A2M: variants seen among roughly 807,000 people sequenced by gnomAD.
The protein encoded by A2M is alpha-2-macroglobulin, also known as C3 and PZP-like alpha-2-macroglobulin domain-containing protein 5.
Under a neutral mutation model 183.9 loss-of-function variants are expected in A2M, and 128 were observed. The observed-to-expected ratio is 0.70, with a 90% CI of 0.60 to 0.81. The LOEUF (loss-of-function observed/expected upper bound fraction) is 0.81. Among genes scored for constraint, A2M ranks in the 30% least tolerant of loss-of-function variants. The pLI is 0.00. For missense variants in A2M, 1,495 were observed against 1,787.6 expected, an observed-to-expected ratio of 0.84 and a Z score of 2.95; for synonymous variants, 592 against 670.8, an observed-to-expected ratio of 0.88 and a Z score of 1.81.
intron 18 of A2M, among the ~76,000 whole-genome samples, chr12:9,092,079 C>CT (rs1949229574): frequency 6.6e-6 from 1 of 152,194 alleles, no homozygotes; most frequent in Non-Finnish European, 1.5e-5. Flanking sequence ...CAGTTGCTGA[C>CT]TGAGTGTTGG....
At chr12:9,095,416 A>T (rs1479527112) in intron 16 of A2M, 123 bp downstream of exon 16, 6 of 930,482 alleles carry the variant, frequency 6.4e-6, no homozygotes. Context: ...TAGAGAAGCC[A>T]CTTACCTCTT....
chr12:9,094,959 A>C lies in A2M; in HGVS notation c.2125+14T>G. 7.3e-7 allele frequency: 1 copy of C among 1,376,050 alleles called. No individual in the cohort carries two copies. Among genetic ancestry groups the C allele is most frequent in the Non-Finnish European group, 9.8e-7 (1 of 1,017,882 alleles). The allele number at this position is 1,376,050 out of a possible 1,614,324, so 85.2% of individuals were successfully genotyped here. A position where few individuals can be genotyped will look rare whatever the true frequency, so the allele number is the denominator to read the frequency against. On this transcript the variant is annotated intron_variant, in intron 17 of 35. Coordinates refer to ENST00000318602, the MANE Select transcript of A2M (RefSeq NM_000014.6). ...ATATATTAGGCAATATATATTTATTAATTTTTTGTTTACCATAAAAACCTA... is the reference window on the plus strand; with the variant it reads ...ATATATTAGGCAATATATATTTATTCATTTTTTGTTTACCATAAAAACCTA...
At chr12:9,116,115 C>T (rs1939100549), upstream of A2M, 5 of 430,930 alleles carry the variant, frequency 1.2e-5, no homozygotes, top group African/African-American at 8.1e-5. Flanking sequence ...TTCCCATTCC[C>T]GTAAGAGCTC....
At chr12:9,068,124 G>C (rs760990227) in intron 35 of A2M, 59 bp downstream of exon 35, 194 of 1,573,504 alleles carry the variant, frequency 1.2e-4, no homozygotes, top group Middle Eastern at 1.7e-4. Context: ...GAAGGAGAAG[G>C]TTTGGGGGGC....
intron 22 of A2M, among the ~76,000 whole-genome samples, chr12:9,082,407 G>T (rs1020735778): frequency 6.6e-5 from 10 of 152,170 alleles, no homozygotes; most frequent in African/African-American, 2.4e-4. Context: ...CAGTGATCTT[G>T]CCAGAGAGCA....
chr12:9,106,131 A>C, intron 10 of A2M, 105 bp downstream of exon 10: 1 of 639,866 alleles, frequency 1.6e-6, no homozygotes, highest in Non-Finnish European at 2.8e-6. Context: ...TTTTGGTTAT[A>C]TTAAATGATA....
rs1404548805 is a variant in A2M at position 9,072,810 on chromosome 12, C to G, written c.3818G>C (p.Gly1273Ala). 6.2e-7 allele frequency: 1 copy of G among 1,614,132 alleles called. No homozygotes were observed. Residue 1273 changes from glycine to alanine, a missense_variant, in exon 30 of 36, where the codon GGG becomes GCG. Gly to Ala is a moderately conservative substitution (Grantham distance 60). Transcript: ENST00000318602. ...KYGAATFTRT[G>A]KAAQVTIQSS... ...CTGGATAGTCACCTGTGCAGCCTTCCCAGTCCTGGTAAATGTGGCTGCTCC... is the reference window on the plus strand; with the variant it reads ...CTGGATAGTCACCTGTGCAGCCTTCGCAGTCCTGGTAAATGTGGCTGCTCC...
At chr12:9,078,491 C>T (rs1018436230) in intron 25 of A2M, among the ~76,000 whole-genome samples, 2 of 152,088 alleles carry the variant, frequency 1.3e-5, no homozygotes, top group Non-Finnish European at 2.9e-5. Context: ...AATAGTGCCG[C>T]GATAAACATA....
At chr12:9,097,657 C>G (rs1388508058) in intron 15 of A2M, among the ~76,000 whole-genome samples, 2 of 104,038 alleles carry the variant, frequency 1.9e-5, no homozygotes, top group Admixed American at 9.0e-5. Context: ...TTTTTGACAC[C>G]AAGTCTTGCT....
chr12:9,115,730 G>T (rs372568235), intron 1 of A2M, 34 bp downstream of exon 1: 3 of 1,535,774 alleles, frequency 2.0e-6, no homozygotes, highest in Non-Finnish European at 2.7e-6. Context: ...AAGGACTCTA[G>T]GTTCATGCTT....
At chr12:9,080,212 A>G in intron 22 of A2M, 35 bp from the exon 23 acceptor site, 1 of 1,390,672 alleles carries the variant, frequency 7.2e-7, no homozygotes, top group Non-Finnish European at 1.0e-6. Flanking sequence ...TATGAAAATT[A>G]TTTCTGCATT....
intron 25 of A2M, among the ~76,000 whole-genome samples, chr12:9,078,686 T>C (rs1397223071): frequency 6.6e-6 from 1 of 152,250 alleles, no homozygotes; most frequent in African/African-American, 2.4e-5. Flanking sequence ...GTTAGTTACT[T>C]GAGTAAGGCT....
At chr12:9,094,375 A>ACC (rs1949310412) in intron 17 of A2M, among the ~76,000 whole-genome samples, 1 of 136,300 alleles carries the variant, frequency 7.3e-6, no homozygotes, top group African/African-American at 2.7e-5. Flanking sequence ...ATATATATAT[A>ACC]CCTATACATG....
At chr12:9,077,901 G>A in intron 25 of A2M, 44 bp from the exon 26 acceptor site, 1 of 1,613,012 alleles carries the variant, frequency 6.2e-7, no homozygotes, top group Non-Finnish European at 8.5e-7. Flanking sequence ...TTGTCAAAAT[G>A]GTTTTATAAC....
chr12:9,068,599 G>A (rs1479507097), intron 34 of A2M, 141 bp downstream of exon 34: 1 of 710,646 alleles, frequency 1.4e-6, no homozygotes, highest in Non-Finnish European at 2.4e-6. Flanking sequence ...GAGACAAAAA[G>A]AGGGGCATCA....
chr12:9,106,200 T>C, intron 10 of A2M, 36 bp downstream of exon 10: 1 of 1,266,036 alleles, frequency 7.9e-7, no homozygotes, highest in African/African-American at 1.5e-5. Context: ...TAGGTAACAG[T>C]ACATGGGTTG....
chr12:9,088,085 T>TGAGTGAA (rs1195537593), intron 22 of A2M, among the ~76,000 whole-genome samples: 1 of 152,112 alleles, frequency 6.6e-6, no homozygotes, highest in African/African-American at 2.4e-5. Context: ...GACAGGATGC[T>TGAGTGAA]GAGTGAAAAA....
chr12:9,072,230 A>C (rs2137644207), intron 31 of A2M, 129 bp downstream of exon 31: 1 of 1,084,422 alleles, frequency 9.2e-7, no homozygotes, highest in Non-Finnish European at 1.3e-6. Flanking sequence ...TATCAACTTA[A>C]GAGAATACAT....
intron 10 of A2M, among the ~76,000 whole-genome samples, chr12:9,105,629 GAGA>G (rs1938226972): frequency 6.6e-6 from 1 of 152,126 alleles, no homozygotes; most frequent in Non-Finnish European, 1.5e-5. Flanking sequence ...AAAATTGTAA[GAGA>G]AGATTTTTTT....
Sources: allele counts gnomAD v4.1 joint callset (sites outside exome capture counted in the v4.1 genomes callset), GRCh38; gene constraint gnomAD v4.1.1; transcripts MANE v1.5; gene names NCBI Gene and HGNC (gene_info 2026-07-23, HGNC 2026-07-21).